Variants in RAB9B observed in about 807,000 individuals in gnomAD.
RAB9B encodes ras-related protein Rab-9B.
In RAB9B, 1 loss-of-function variant was observed where a neutral mutation model predicts 8.9. That is an observed-to-expected ratio of 0.11 (90% CI 0.04 to 0.53). RAB9B has a LOEUF of 0.53. Ranked by LOEUF, RAB9B falls within the 20% of genes least tolerant of loss-of-function variation. RAB9B has a pLI of 0.93. For synonymous variants in RAB9B, 63 were observed against 57.0 expected (o/e 1.10, Z -0.47); for missense variants, 82 against 152.9 (o/e 0.54, Z 2.45).
the RAB9B span, among the ~76,000 whole-genome samples, chrX:103,809,097 G>A: frequency 8.9e-6 from 1 of 111,810 alleles, no homozygotes; most frequent in Non-Finnish European, 1.9e-5. Flanking sequence ...TGAGGGTGGG[G>A]TCCTCACAAT....
the RAB9B span, among the ~76,000 whole-genome samples, chrX:103,779,387 C>T: frequency 2.0e-3 from 219 of 111,863 alleles, 1 homozygote; most frequent in Non-Finnish European, 3.7e-3. Flanking sequence ...AAAAGTGTGG[C>T]GGCAGAGCGG....
At chrX:103,802,676 T>A in the RAB9B span, among the ~76,000 whole-genome samples, 1 of 111,722 alleles carries the variant, frequency 9.0e-6, no homozygotes, top group Non-Finnish European at 1.9e-5. Flanking sequence ...ATAATTCATA[T>A]ACAATTGACC....
At chrX:103,817,675 C>T (rs760807219), downstream of RAB9B, among the ~76,000 whole-genome samples, 12 of 110,126 alleles carry the variant, frequency 1.1e-4, no homozygotes, top group Non-Finnish European at 1.7e-4. Flanking sequence ...TCTTTATTGC[C>T]CCCTTGTGGT....
chrX:103,825,113 G>T lies in RAB9B; in HGVS notation c.*66C>A. The T allele has an allele frequency of 8.9e-7, 1 of 1,118,672 alleles. No homozygotes were observed. The highest frequency in any genetic ancestry group is 2.6e-5 in the Admixed American group (1 of 38,883). The allele number at this position is 1,118,672 out of a possible 1,213,427, so 92.2% of individuals were successfully genotyped here. A position where few individuals can be genotyped will look rare whatever the true frequency, so the allele number is the denominator to read the frequency against. On this transcript the variant is annotated 3_prime_UTR_variant, in exon 3 of 3. Transcript: ENST00000243298. ...TGTGCGTGTGTGTGCACTCTTAGAG[G>T]GGCACAGTTATTCTTACACTACTGA...
the RAB9B span, among the ~76,000 whole-genome samples, chrX:103,803,835 C>T: frequency 8.9e-6 from 1 of 112,654 alleles, no homozygotes; most frequent in Non-Finnish European, 1.9e-5. Flanking sequence ...CTCAGACTCC[C>T]AAAGTGCTGG....
the RAB9B span, among the ~76,000 whole-genome samples, chrX:103,782,693 A>G: frequency 1.8e-5 from 2 of 112,228 alleles, no homozygotes; most frequent in Admixed American, 1.9e-4. Context: ...AAATGCTGGG[A>G]TGAGTGAGTA....
chrX:103,804,282 G>A, the RAB9B span, among the ~76,000 whole-genome samples: 2 of 112,095 alleles, frequency 1.8e-5, no homozygotes, highest in African/African-American at 6.5e-5. Flanking sequence ...TATCCTGGCA[G>A]TCTTTTTGAA....
the RAB9B span, chrX:103,789,444 A>G: frequency 3.1e-6 from 3 of 953,575 alleles, no homozygotes; most frequent in Non-Finnish European, 1.5e-6. Flanking sequence ...GGCCTGAGAT[A>G]GTGTGGGTAC....
chrX:103,805,944 T>C, the RAB9B span, among the ~76,000 whole-genome samples: 1 of 111,177 alleles, frequency 9.0e-6, no homozygotes, highest in Non-Finnish European at 1.9e-5. Flanking sequence ...AATCTTTTTG[T>C]TTGATTGCTT....
chrX:103,818,071 T>C (rs1333209923), downstream of RAB9B, among the ~76,000 whole-genome samples: 1 of 111,164 alleles, frequency 9.0e-6, no homozygotes, highest in South Asian at 3.8e-4. Flanking sequence ...AAACTAGCAA[T>C]GTGGATAAGA....
At chrX:103,785,936 C>T in the RAB9B span, 1 of 702,048 alleles carries the variant, frequency 1.4e-6, no homozygotes, top group Non-Finnish European at 2.1e-6. Context: ...ATTCGAAGCC[C>T]ATTCAGAAAG....
chrX:103,819,578 TA>T (rs916887555), downstream of RAB9B, among the ~76,000 whole-genome samples: 24 of 109,299 alleles, frequency 2.2e-4, no homozygotes, highest in Non-Finnish European at 3.3e-4. Context: ...CTTGCCCCCT[TA>T]AAAAAAAACC....
intron 1 of RAB9B, 150 bp from the exon 2 acceptor site, chrX:103,827,228 G>C (rs1489993468): frequency 9.2e-6 from 1 of 109,101 alleles, no homozygotes; most frequent in Non-Finnish European, 1.9e-5. Flanking sequence ...AAAAATAAAA[G>C]TTCAAAATGC....
At chrX:103,821,785 C>A (rs1415301142), downstream of RAB9B, among the ~76,000 whole-genome samples, 3 of 111,179 alleles carry the variant, frequency 2.7e-5, no homozygotes, top group African/African-American at 9.8e-5. Context: ...AATATTTTTT[C>A]TTTTATTTGT....
chrX:103,809,598 C>T, the RAB9B span, among the ~76,000 whole-genome samples: 2 of 112,216 alleles, frequency 1.8e-5, no homozygotes, highest in South Asian at 7.5e-4. Flanking sequence ...CCATGCTCGG[C>T]TTAATTTCTG....
chrX:103,788,591 C>T, the RAB9B span: 1 of 768,020 alleles, frequency 1.3e-6, no homozygotes. Context: ...ATTTTAAGGA[C>T]TGAAAGTTTC....
chrX:103,829,266 G>T (rs2074694588), intron 1 of RAB9B, among the ~76,000 whole-genome samples: 2 of 111,606 alleles, frequency 1.8e-5, no homozygotes, highest in Non-Finnish European at 3.8e-5. Flanking sequence ...ATATGGCACA[G>T]AATCTCAGCA....
the RAB9B span, among the ~76,000 whole-genome samples, chrX:103,806,692 G>T: frequency 2.0e-3 from 222 of 111,611 alleles, 2 homozygotes; most frequent in East Asian, 0.023. Context: ...GTAAGATATT[G>T]AAGTCTTTAA....
chrX:103,820,260 C>G (rs72616847), downstream of RAB9B, among the ~76,000 whole-genome samples: 1,558 of 112,046 alleles, frequency 0.014, 33 homozygotes, highest in East Asian at 0.1. Context: ...GCCCTAAAAT[C>G]AAGTGTAAGA....
Sources: gnomAD v4.1 joint callset for allele counts (sites outside exome capture counted in the v4.1 genomes callset) on GRCh38, gnomAD v4.1.1 for gene constraint, MANE v1.5 for transcripts, NCBI Gene and HGNC (gene_info 2026-07-23, HGNC 2026-07-21) for gene names.